Variants in ARL13B observed in about 807,000 individuals in gnomAD.
ARL13B encodes ARF like GTPase 13B.
A neutral mutation model predicts 56.1 loss-of-function variants in ARL13B; 36 were observed. The ratio of observed to expected loss-of-function variants is 0.64; its 90% confidence interval spans 0.49 to 0.85. The LOEUF (loss-of-function observed/expected upper bound fraction) is 0.85, where lower values mean the gene tolerates loss of function less well. Ranked by LOEUF, ARL13B falls within the 40% of genes least tolerant of loss-of-function variation. The pLI, the probability that ARL13B is intolerant of heterozygous loss-of-function variation, is 0.00. For synonymous variants in ARL13B, 178 were observed against 171.1 expected, an observed-to-expected ratio of 1.04 and a Z score of -0.32; for missense variants, 519 against 507.1, an observed-to-expected ratio of 1.02 and a Z score of -0.23.
intron 3 of ARL13B, among the ~76,000 whole-genome samples, chr3:94,012,813 T>C (rs2076248055): frequency 6.6e-6 from 1 of 152,178 alleles, no homozygotes; most frequent in Admixed American, 6.5e-5. Flanking sequence ...CTAATTGTTT[T>C]CTATACCTAT....
At chr3:94,017,943 AAAGGACTTGTGGGCCAAAGG>A (rs1315187669) in intron 3 of ARL13B, among the ~76,000 whole-genome samples, 1 of 152,234 alleles carries the variant, frequency 6.6e-6, no homozygotes, top group East Asian at 1.9e-4. Context: ...ACCACATCAT[AAAGGACTTGTGGGCCAAAGG>A]AAGGAGTTTA....
At chr3:93,995,767 C>A in intron 1 of ARL13B, 107 bp from the exon 2 acceptor site, 1 of 1,013,092 alleles carries the variant, frequency 9.9e-7, no homozygotes, top group Non-Finnish European at 1.5e-6. Flanking sequence ...TTTTCTTGTG[C>A]TTAATAGGTG....
At position 94,014,371 on chromosome 3, in the gene ARL13B, T is replaced by TC. The variant is rs749445609; in HGVS notation, c.380+10463_380+10464insC. On this transcript the variant is annotated intron_variant, in intron 3 of 9. Coordinates refer to ENST00000394222, the MANE Select transcript of ARL13B (RefSeq NM_001174150.2). ...TTTTACCGTAAAGCTGGAAAAAGTT[T>TC]TAAAATAGCTTCTTTATTTTGAGCT... is the stretch of plus-strand genomic sequence containing the variant. 9 of 1,512,304 alleles carry TC rather than the reference T, an allele frequency of 6.0e-6. No homozygotes were observed. In the East Asian group the frequency reaches 2.1e-4, roughly 35 times the overall value. 93.7% of individuals were successfully genotyped at this position (1,512,304 alleles called of 1,614,324 possible).
chr3:94,008,579 C>T (rs1179323963), intron 3 of ARL13B, among the ~76,000 whole-genome samples: 1 of 152,114 alleles, frequency 6.6e-6, no homozygotes, highest in African/African-American at 2.4e-5. Context: ...ACAGCTTAAT[C>T]TGTTGAAATT....
At chr3:93,981,736 C>G (rs756304500) in intron 1 of ARL13B, among the ~76,000 whole-genome samples, 5 of 151,514 alleles carry the variant, frequency 3.3e-5, no homozygotes, top group Non-Finnish European at 5.9e-5. Context: ...TAAACGGGCA[C>G]GGTGACGCAC....
At chr3:94,035,190 T>C (rs2076744885) in intron 3 of ARL13B, 141 bp from the exon 4 acceptor site, 4 of 562,618 alleles carry the variant, frequency 7.1e-6, no homozygotes, top group South Asian at 7.0e-5. Flanking sequence ...TGAGCTGAGA[T>C]TGCACCACTG....
At chr3:94,042,510 A>G (rs2076880505) in intron 6 of ARL13B, among the ~76,000 whole-genome samples, 1 of 152,220 alleles carries the variant, frequency 6.6e-6, no homozygotes, top group Non-Finnish European at 1.5e-5. Context: ...TGTAGCATTT[A>G]CTATGTGTAA....
intron 8 of ARL13B, 54 bp downstream of exon 8, chr3:94,049,576 G>GAAA: frequency 3.7e-6 from 3 of 800,054 alleles, no homozygotes; most frequent in South Asian, 2.2e-5. Context: ...AAACAACAGA[G>GAAA]AAAAAAAAAA....
intron 1 of ARL13B, among the ~76,000 whole-genome samples, chr3:93,982,163 G>A (rs1710253988): frequency 1.3e-5 from 2 of 152,124 alleles, no homozygotes; most frequent in Non-Finnish European, 1.5e-5. Flanking sequence ...CCTTTTCTTA[G>A]CAGCTTTTGT....
intron 2 of ARL13B, among the ~76,000 whole-genome samples, chr3:93,998,907 T>C (rs1256704807): frequency 2.0e-5 from 3 of 151,610 alleles, no homozygotes; most frequent in Non-Finnish European, 2.9e-5. Context: ...TCTGATTCTT[T>C]TCTGACTTCT....
chr3:94,021,966 T>C (rs1322178682), intron 3 of ARL13B, among the ~76,000 whole-genome samples: 1 of 152,062 alleles, frequency 6.6e-6, no homozygotes, highest in Non-Finnish European at 1.5e-5. Context: ...GATATATATC[T>C]GACCCTTACC....
At position 93,995,951 on chromosome 3, in the gene ARL13B, T is replaced by C. The variant is rs200527262; in HGVS notation, c.130+7T>C. 8.6e-5 allele frequency: 139 copies of C among 1,611,780 alleles called. No individual in the cohort carries two copies. In the African/African-American group the frequency reaches 1.7e-3, roughly 19 times the overall value. ...GCAAAGGGAATCCAAGGAGGTAAGC[T>C]GAAAACATTTATGTGCTTTCTGAAC... On this transcript the variant is annotated splice_region_variant and intron_variant, in intron 2 of 9. Coordinates refer to ENST00000394222, the MANE Select transcript of ARL13B (RefSeq NM_001174150.2).
chr3:94,024,364 A>C (rs1333051268), intron 3 of ARL13B, among the ~76,000 whole-genome samples: 1 of 152,220 alleles, frequency 6.6e-6, no homozygotes, highest in African/African-American at 2.4e-5. Context: ...GAGAAAGAGA[A>C]AGTGGCATCA....
chr3:93,981,672 T>A (rs1710221937), intron 1 of ARL13B, among the ~76,000 whole-genome samples: 1 of 151,760 alleles, frequency 6.6e-6, no homozygotes, highest in Non-Finnish European at 1.5e-5. Flanking sequence ...TTTGGAGCCC[T>A]GGAGTTCGAG....
In ARL13B at chr3:94,053,549, A is replaced by C. The variant is rs1257260688; in HGVS notation, c.*286A>C. 1 of 556,144 alleles carries C rather than the reference A, an allele frequency of 1.8e-6. No individual in the cohort carries two copies. Among genetic ancestry groups the C allele is most frequent in the Admixed American group, 2.2e-5 (1 of 45,874 alleles). The allele number at this position is 556,144 out of a possible 1,614,324, so 34.5% of individuals were successfully genotyped here. On this transcript the variant is annotated 3_prime_UTR_variant, in exon 10 of 10. Transcript: ENST00000394222. ...TTTATACATCCCCACTCATGAGCAT[A>C]CTTCTGAAGGAAAACTTTACAAAAA...
rs373752093 is a variant in ARL13B, at chr3:94,039,870, C to T, written c.690-10C>T. 59 of 1,612,488 alleles carry T rather than the reference C, an allele frequency of 3.7e-5. No homozygotes were observed. The highest frequency in any genetic ancestry group is 4.7e-5 in the Non-Finnish European group (56 of 1,179,146). ...AAAGGAAATTTCAATTATTTTTCCT[C>T]AAACGATAGAAAACAAAATGAACAG... On this transcript the variant is annotated splice_polypyrimidine_tract_variant and intron_variant, in intron 5 of 9. Transcript: ENST00000394222.
intron 3 of ARL13B, among the ~76,000 whole-genome samples, chr3:94,013,109 C>T (rs2076253963): frequency 6.6e-6 from 1 of 152,108 alleles, no homozygotes; most frequent in Non-Finnish European, 1.5e-5. Context: ...CAGAGTTAGT[C>T]AGACCCTCCT....
At chr3:94,049,574 G>C in intron 8 of ARL13B, 52 bp downstream of exon 8, 4 of 977,380 alleles carry the variant, frequency 4.1e-6, no homozygotes, top group Non-Finnish European at 2.8e-6. Context: ...TTAAACAACA[G>C]AGAAAAAAAA....
Position 94,031,518 on chromosome 3 carries a change from G to A in ARL13B, c.381-3813G>A, listed in dbSNP as rs545051339. 3.3e-5 allele frequency among the ~76,000 whole-genome samples: 5 copies of A among 152,226 alleles called. No homozygotes were observed. The South Asian group carries it at 1.0e-3, about 32-fold the overall frequency. Reference sequence around the variant, plus strand: ...AAAGACTGTTGGAGTTGTACCAAAAGGGTCCAAGAGCCAACCTGAAGGGGA... The same window carrying A: ...AAAGACTGTTGGAGTTGTACCAAAAAGGTCCAAGAGCCAACCTGAAGGGGA... On this transcript the variant is annotated intron_variant, in intron 3 of 9. Coordinates refer to ENST00000394222, the MANE Select transcript of ARL13B (RefSeq NM_001174150.2).
Sources: gnomAD v4.1 joint callset for allele counts (sites outside exome capture counted in the v4.1 genomes callset) on GRCh38, gnomAD v4.1.1 for gene constraint, MANE v1.5 for transcripts, NCBI Gene and HGNC (gene_info 2026-07-23, HGNC 2026-07-21) for gene names.